Variants in UXS1 observed in about 807,000 individuals in gnomAD.
The protein encoded by UXS1 is UDP-glucuronate decarboxylase 1, also known as UDP-glucuronic acid decarboxylase 1.
A neutral mutation model predicts 62.6 loss-of-function variants in UXS1; 33 were observed. The ratio of observed to expected loss-of-function variants is 0.53; its 90% CI spans 0.40 to 0.70. UXS1 has a LOEUF of 0.70. Ranked by LOEUF, UXS1 falls within the 30% of genes least tolerant of loss-of-function variation. UXS1 has a pLI of 0.00. For missense variants in UXS1, 434 were observed against 556.3 expected, an observed-to-expected ratio of 0.78 and a Z score of 2.21; for synonymous variants, 213 against 206.8, an observed-to-expected ratio of 1.03 and a Z score of -0.26.
chr2:106,118,222 CT>C (rs5833170), intron 9 of UXS1, among the ~76,000 whole-genome samples: 123,048 of 146,028 alleles, frequency 0.84, 52,389 homozygotes, highest in Non-Finnish European at 0.93. Flanking sequence ...TGGCTGCTTA[CT>C]TTTTTTTTTT....
Position 106,194,183 on chromosome 2 carries a change from A to G in UXS1, c.59T>C (p.Leu20Pro). 1 of 1,483,146 alleles carries G rather than the reference A, an allele frequency of 6.7e-7. No homozygotes were observed. The allele number at this position is 1,483,146 out of a possible 1,614,324, so 91.9% of individuals were successfully genotyped here. ...GGCCAGCAAGGCGATGCCCAGCAGC[A>G]GCTTCATCCTCCTGCGGTTGACGGC... ...VSAVNRRRMK[L>P]LLGIALLAYV... Residue 20 changes from leucine (L) to proline (P), a missense_variant, in exon 1 of 15, where the codon CTG becomes CCG. Physicochemically the swap from Leu to Pro is moderately conservative, Grantham distance 98. This residue lies in a region of UXS1 where 91 missense variants were observed against 71.1 expected (regional missense o/e 1.28). Transcript: ENST00000283148.
chr2:106,113,238 G>A (rs1437519994), intron 9 of UXS1, among the ~76,000 whole-genome samples: 2 of 152,156 alleles, frequency 1.3e-5, no homozygotes, highest in Non-Finnish European at 2.9e-5. Flanking sequence ...CTCTATCTTA[G>A]GAAAAGGGGA....
chr2:106,138,282 T>C, intron 6 of UXS1: 1 of 985,470 alleles, frequency 1.0e-6, no homozygotes, highest in South Asian at 4.7e-5. Flanking sequence ...TCAGAAATAA[T>C]CCCTTGCCTG....
intron 6 of UXS1, among the ~76,000 whole-genome samples, chr2:106,131,148 C>T (rs1209762897): frequency 1.3e-5 from 2 of 148,740 alleles, no homozygotes; most frequent in African/African-American, 2.5e-5. Flanking sequence ...GGGTGACGGA[C>T]GCACCTGGAA....
chr2:106,125,465 T>C (rs2104932506), intron 8 of UXS1, among the ~76,000 whole-genome samples, 155 bp downstream of exon 8: 1 of 152,282 alleles, frequency 6.6e-6, no homozygotes, highest in African/African-American at 2.4e-5. Context: ...GAAGAGGAGC[T>C]TGGCGACCCG....
intron 1 of UXS1, among the ~76,000 whole-genome samples, chr2:106,183,240 TAAAAAAAA>T (rs56060452): frequency 7.4e-6 from 1 of 135,958 alleles, no homozygotes; most frequent in African/African-American, 2.7e-5. Flanking sequence ...AAGTCTTTTT[TAAAAAAAA>T]AAAAAAAAAA....
chr2:106,125,825 A>T, intron 7 of UXS1, 146 bp from the exon 8 acceptor site: 1 of 585,964 alleles, frequency 1.7e-6, no homozygotes, highest in Non-Finnish European at 2.8e-6. Context: ...CTTTGGCACC[A>T]AAATAAACAA....
intron 1 of UXS1, among the ~76,000 whole-genome samples, chr2:106,182,929 C>A (rs1386364165): frequency 6.6e-6 from 1 of 152,108 alleles, no homozygotes; most frequent in Non-Finnish European, 1.5e-5. Flanking sequence ...GATAGAAATT[C>A]TGTTTTTTAA....
intron 1 of UXS1, among the ~76,000 whole-genome samples, chr2:106,191,412 CT>C (rs1684928742): frequency 1.3e-5 from 2 of 152,240 alleles, no homozygotes; most frequent in African/African-American, 4.8e-5. Flanking sequence ...GGTTGAGGGA[CT>C]ACATTTTCAG....
intron 11 of UXS1, chr2:106,102,008 G>C (rs763516932): frequency 2.0e-5 from 3 of 152,156 alleles, no homozygotes; most frequent in African/African-American, 7.2e-5. Flanking sequence ...GTCACTCTGG[G>C]TCAGGATAAA....
At chr2:106,095,944 A>G (rs938151784) in intron 14 of UXS1, among the ~76,000 whole-genome samples, 1 of 152,196 alleles carries the variant, frequency 6.6e-6, no homozygotes, top group African/African-American at 2.4e-5. Context: ...CCAGGGAGGC[A>G]GCAGCCGCCC....
At chr2:106,108,403 A>G (rs1212589046) in intron 10 of UXS1, among the ~76,000 whole-genome samples, 1 of 152,168 alleles carries the variant, frequency 6.6e-6, no homozygotes, top group Non-Finnish European at 1.5e-5. Context: ...CCCTCCCAGC[A>G]TGGTCTGAGG....
chr2:106,101,438 A>G (rs1677591468), intron 11 of UXS1: 1 of 264,618 alleles, frequency 3.8e-6, no homozygotes, highest in East Asian at 8.2e-5. Context: ...ATTAAAAACT[A>G]AGCATAAGTT....
intron 1 of UXS1, among the ~76,000 whole-genome samples, chr2:106,180,038 G>A (rs1347724149): frequency 6.6e-6 from 1 of 151,828 alleles, no homozygotes; most frequent in Non-Finnish European, 1.5e-5. Context: ...GAACCCAGGA[G>A]GCAGAGATTG....
intron 6 of UXS1, among the ~76,000 whole-genome samples, chr2:106,143,067 T>G (rs561682446): frequency 6.6e-6 from 1 of 152,076 alleles, no homozygotes; most frequent in African/African-American, 2.4e-5. Flanking sequence ...GGCTTCTCAG[T>G]GGTACTGAAA....
chr2:106,097,266 AGCCCTGAG>A (rs1312918457), intron 13 of UXS1: 2 of 452,382 alleles, frequency 4.4e-6, no homozygotes, highest in South Asian at 3.1e-5. Context: ...GAGCCTAGAC[AGCCCTGAG>A]ACCCAAGATG....
intron 14 of UXS1, among the ~76,000 whole-genome samples, chr2:106,095,996 G>T (rs1677048919): frequency 6.6e-6 from 1 of 152,212 alleles, no homozygotes; most frequent in Non-Finnish European, 1.5e-5. Flanking sequence ...ACAACAGGAA[G>T]GCATGCAGTT....
At chr2:106,189,942 G>C (rs1307918480) in intron 1 of UXS1, among the ~76,000 whole-genome samples, 1 of 152,212 alleles carries the variant, frequency 6.6e-6, no homozygotes, top group Non-Finnish European at 1.5e-5. Context: ...CAGAAGTCCT[G>C]CAGTGGGTAG....
intron 6 of UXS1, among the ~76,000 whole-genome samples, chr2:106,141,028 G>C (rs1425482949): frequency 6.6e-6 from 1 of 152,212 alleles, no homozygotes; most frequent in Non-Finnish European, 1.5e-5. Context: ...GTGGCTTTCT[G>C]AAGCATGGTT....
Sources: gnomAD v4.1 joint callset for allele counts (sites outside exome capture counted in the v4.1 genomes callset) on GRCh38, gnomAD v4.1.1 for gene constraint, gnomAD v4.1.1 regional missense constraint, MANE v1.5 for transcripts, NCBI Gene and HGNC (gene_info 2026-07-23, HGNC 2026-07-21) for gene names.